Variants in FEZ2 observed in about 807,000 individuals in gnomAD.
FEZ2 encodes the protein fasciculation and elongation protein zeta 2.
A neutral mutation model predicts 40.4 loss-of-function variants in FEZ2; 51 were observed. The ratio of observed to expected loss-of-function variants is 1.26; its 90% CI spans 1.01 to 1.59. The LOEUF (loss-of-function observed/expected upper bound fraction) is 1.59. Ranked by LOEUF, FEZ2 falls within the 40% of genes most tolerant of loss-of-function variation. The pLI, the probability that FEZ2 is intolerant of heterozygous loss-of-function variation, is 0.00. For missense variants in FEZ2, 640 were observed against 438.3 expected (o/e 1.46, Z -4.11); for synonymous variants, 242 against 172.0 (o/e 1.41, Z -3.18).
chr2:36,555,861 T>A (rs1667946336), intron 6 of FEZ2, 113 bp from the exon 7 acceptor site: 1 of 679,126 alleles, frequency 1.5e-6, no homozygotes, highest in African/African-American at 1.8e-5. Flanking sequence ...TATAACTGAC[T>A]CATACAAATT....
chr2:36,554,270 T>A (rs1667897453), intron 7 of FEZ2: 1 of 471,042 alleles, frequency 2.1e-6, no homozygotes, highest in African/African-American at 2.0e-5. Context: ...GTCCTAGGTT[T>A]TCAGAGTAAA....
At chr2:36,589,313 A>T (rs1669000531) in intron 2 of FEZ2, among the ~76,000 whole-genome samples, 1 of 152,164 alleles carries the variant, frequency 6.6e-6, no homozygotes, top group Non-Finnish European at 1.5e-5. Flanking sequence ...CACAGATAAC[A>T]AGTCCTTTCA....
chr2:36,558,414 T>TA, intron 6 of FEZ2, 24 bp downstream of exon 6: 3 of 1,415,210 alleles, frequency 2.1e-6, no homozygotes, highest in Non-Finnish European at 2.9e-6. Context: ...AATCAGGTAA[T>TA]AGTTTCATTT....
chr2:36,570,342 A>G (rs1308923039), intron 5 of FEZ2, among the ~76,000 whole-genome samples: 1 of 152,178 alleles, frequency 6.6e-6, no homozygotes, highest in Non-Finnish European at 1.5e-5. Context: ...CAGAAAAAAT[A>G]TAATACAAAG....
At chr2:36,590,356 A>T (rs1265091563) in intron 2 of FEZ2, 5 of 112,790 alleles carry the variant, frequency 4.4e-5, no homozygotes, top group African/African-American at 2.1e-4. Flanking sequence ...TGAGGGTTTC[A>T]GTGCACCAAA....
At chr2:36,572,879 T>C (rs532493341) in intron 5 of FEZ2, among the ~76,000 whole-genome samples, 109 of 152,282 alleles carry the variant, frequency 7.2e-4, no homozygotes, top group African/African-American at 2.6e-3. Context: ...AGAAAATATA[T>C]ACAAGAAAGA....
chr2:36,562,363 G>C (rs1002579249), intron 5 of FEZ2, among the ~76,000 whole-genome samples: 8 of 152,164 alleles, frequency 5.3e-5, no homozygotes, highest in South Asian at 4.1e-4. Flanking sequence ...AAAAAGCTAA[G>C]AAATGCCAAC....
intron 3 of FEZ2, among the ~76,000 whole-genome samples, chr2:36,581,893 G>C (rs983192656): frequency 6.6e-6 from 1 of 151,834 alleles, no homozygotes; most frequent in African/African-American, 2.4e-5. Flanking sequence ...CACAAAAAAA[G>C]TATATATAAA....
chr2:36,581,531 T>A, intron 3 of FEZ2, 100 bp from the exon 4 acceptor site: 1 of 1,004,696 alleles, frequency 1.0e-6, no homozygotes, highest in Non-Finnish European at 1.5e-6. Context: ...AGAAATGCAC[T>A]GAATTCTCCA....
At chr2:36,568,448 T>C (rs978632459) in intron 5 of FEZ2, among the ~76,000 whole-genome samples, 1 of 152,212 alleles carries the variant, frequency 6.6e-6, no homozygotes, top group Non-Finnish European at 1.5e-5. Flanking sequence ...CAATCCTCCC[T>C]CCATTTAATC....
intron 5 of FEZ2, among the ~76,000 whole-genome samples, chr2:36,573,539 A>G (rs902999355): frequency 6.6e-6 from 1 of 152,256 alleles, no homozygotes; most frequent in Non-Finnish European, 1.5e-5. Flanking sequence ...TCTCCTGTAC[A>G]CTGAAGTTTC....
chr2:36,572,330 G>C (rs766436089), intron 5 of FEZ2, among the ~76,000 whole-genome samples: 9 of 152,212 alleles, frequency 5.9e-5, no homozygotes, highest in Non-Finnish European at 1.2e-4. Context: ...CCAAGAAAAG[G>C]AACAATTCAA....
chr2:36,592,499 T>C (rs1052551210), intron 1 of FEZ2, among the ~76,000 whole-genome samples: 2 of 152,154 alleles, frequency 1.3e-5, no homozygotes, highest in African/African-American at 4.8e-5. Context: ...TCCCAAATGA[T>C]GTTTGGCTTT....
At chr2:36,596,372 C>G (rs747942584) in intron 1 of FEZ2, among the ~76,000 whole-genome samples, 4 of 152,194 alleles carry the variant, frequency 2.6e-5, no homozygotes, top group Non-Finnish European at 5.9e-5. Flanking sequence ...TTTCCGTGCC[C>G]GTGACTCCTG....
At chr2:36,555,254 T>G (rs1667927698) in intron 7 of FEZ2, 1 of 154,522 alleles carries the variant, frequency 6.5e-6, no homozygotes, top group Non-Finnish European at 1.4e-5. Flanking sequence ...GTATTCCCTT[T>G]GGCACTGTTC....
chr2:36,583,001 A>G (rs1409864204), intron 3 of FEZ2, among the ~76,000 whole-genome samples: 3 of 152,208 alleles, frequency 2.0e-5, no homozygotes, highest in Non-Finnish European at 4.4e-5. Context: ...AAGATACTAA[A>G]TAATTTCTAC....
chr2:36,597,822 C>G, intron 1 of FEZ2, 55 bp downstream of exon 1: 1 of 1,265,580 alleles, frequency 7.9e-7, no homozygotes, highest in Non-Finnish European at 1.0e-6. Flanking sequence ...GGCTGCCGGT[C>G]GGGCGAGGGG....
chr2:36,554,495 C>T (rs1324339675), intron 7 of FEZ2, among the ~76,000 whole-genome samples: 2 of 151,960 alleles, frequency 1.3e-5, no homozygotes, highest in African/African-American at 2.4e-5. Flanking sequence ...AACCTCAGAA[C>T]AATCCAGCTT....
chr2:36,574,522 C>T (rs1237496546), intron 5 of FEZ2, among the ~76,000 whole-genome samples: 2 of 151,622 alleles, frequency 1.3e-5, no homozygotes, highest in African/African-American at 2.4e-5. Flanking sequence ...AATAGAAATA[C>T]TAAAGAGGAG....
Sources: allele counts gnomAD v4.1 joint callset (sites outside exome capture counted in the v4.1 genomes callset), GRCh38; gene constraint gnomAD v4.1.1; transcripts MANE v1.5; gene names NCBI Gene and HGNC (gene_info 2026-07-23, HGNC 2026-07-21).